The following PITPNM3 variants were observed in gnomAD, a reference collection of about 807,000 sequenced individuals.
PITPNM3 encodes PITPNM family member 3.
Under a neutral mutation model 102.0 loss-of-function variants are expected in PITPNM3, and 26 were observed. The ratio of observed to expected loss-of-function variants is 0.25; its 90% CI spans 0.19 to 0.35. PITPNM3 has a LOEUF of 0.35. Among genes scored for constraint, PITPNM3 ranks in the 10% least tolerant of loss-of-function variants. The pLI is 1.00. For missense variants in PITPNM3, 1,083 were observed against 1,346.1 expected (o/e 0.80, Z 3.06); for synonymous variants, 578 against 558.6 (o/e 1.03, Z -0.49).
In PITPNM3 at chr17:6,451,874, C is replaced by CG; in HGVS notation, c.*3463_*3464insC. The CG allele has an allele frequency of 5.9e-5, 1 of 17,060 alleles. No individual in the cohort carries two copies. The highest frequency in any genetic ancestry group is 2.4e-3 in the South Asian group (1 of 410). The allele number at this position is 17,060 out of a possible 1,614,324, so 1.1% of individuals were successfully genotyped here. On this transcript the variant is annotated 3_prime_UTR_variant, in exon 20 of 20. Transcript: ENST00000262483. Reference sequence around the variant, plus strand: ...GTTTCCAGGGCACTTGGCACCCAAACCCCCCCCCCCCGCCCGCCGATGGGA... The same window carrying CG: ...GTTTCCAGGGCACTTGGCACCCAAACGCCCCCCCCCCCGCCCGCCGATGGGA...
At position 6,470,587 on chromosome 17, in the gene PITPNM3, C is replaced by G. The variant is rs759895710; in HGVS notation, c.1625-179G>C. On this transcript the variant is annotated intron_variant, in intron 12 of 19. Coordinates refer to ENST00000262483, the MANE Select transcript of PITPNM3 (RefSeq NM_031220.4). This position sits in a 1 kb window ranked among gnomAD's most constrained non-coding sequence, Gnocchi z 4.8. The stretch of plus-strand genomic sequence containing the variant: ...CGCGCTGCTCTTCCTCCTTCCTTCT[C>G]AAAACCCACCAGCCCTCCCCTAAGA... Among the ~76,000 whole-genome samples the G allele has an allele frequency of 2.6e-5, 4 of 152,142 alleles. No homozygotes were observed. Among genetic ancestry groups the G allele is most frequent in the Admixed American group, 6.5e-5 (1 of 15,282 alleles).
intron 4 of PITPNM3, among the ~76,000 whole-genome samples, chr17:6,485,694 G>A (rs929399223): frequency 6.6e-6 from 1 of 152,190 alleles, no homozygotes; most frequent in Non-Finnish European, 1.5e-5. Context: ...GCTGGCCTTT[G>A]CCAGAAATCT....
chr17:6,495,447 C>T (rs970984532), intron 4 of PITPNM3, among the ~76,000 whole-genome samples: 3 of 152,268 alleles, frequency 2.0e-5, no homozygotes, highest in South Asian at 2.1e-4. Context: ...GATCCTCACA[C>T]CCTGGCCCTG....
chr17:6,540,699 C>A (rs1033278248), intron 1 of PITPNM3, among the ~76,000 whole-genome samples: 28 of 152,286 alleles, frequency 1.8e-4, no homozygotes, highest in African/African-American at 6.7e-4. Context: ...GCTCTTGTCG[C>A]CCAGGCTGGA....
At chr17:6,533,276 T>A (rs964703830) in intron 2 of PITPNM3, among the ~76,000 whole-genome samples, 1 of 152,146 alleles carries the variant, frequency 6.6e-6, no homozygotes, top group African/African-American at 2.4e-5. Flanking sequence ...GTAAGTTATT[T>A]TAATCAGCCA....
At chr17:6,509,696 C>T (rs1229892491) in intron 3 of PITPNM3, among the ~76,000 whole-genome samples, 3 of 152,172 alleles carry the variant, frequency 2.0e-5, no homozygotes, top group Admixed American at 6.5e-5. Context: ...CATGGAGCCT[C>T]CCCTGAGCTG....
At chr17:6,544,654 T>TCTCTCTCTCTCTCACACA (rs376230474) in intron 1 of PITPNM3, among the ~76,000 whole-genome samples, 127 of 130,264 alleles carry the variant, frequency 9.7e-4, no homozygotes, top group African/African-American at 3.9e-3. Flanking sequence ...TCTCTCTCTC[T>TCTCTCTCTCTCTCACACA]CACACACACA....
chr17:6,508,282 C>T (rs1337113081), intron 3 of PITPNM3, among the ~76,000 whole-genome samples: 1 of 152,248 alleles, frequency 6.6e-6, no homozygotes, highest in Non-Finnish European at 1.5e-5. Flanking sequence ...GCCTTGAAGG[C>T]TGCACCTGGG....
In PITPNM3 at chr17:6,470,536, C is replaced by T. The variant is rs1449963135; in HGVS notation, c.1625-128G>A. 2.3e-6 allele frequency: 3 copies of T among 1,286,304 alleles called. No individual in the cohort carries two copies. The highest frequency in any genetic ancestry group is 3.3e-6 in the Non-Finnish European group (3 of 902,096). The allele number at this position is 1,286,304 out of a possible 1,614,324, so 79.7% of individuals were successfully genotyped here. A position where few individuals can be genotyped will look rare whatever the true frequency, so the allele number is the denominator to read the frequency against. On this transcript the variant is annotated intron_variant, in intron 12 of 19. Coordinates refer to ENST00000262483, the MANE Select transcript of PITPNM3 (RefSeq NM_031220.4). The surrounding 1 kb of genome is among the most constrained non-coding windows in gnomAD (Gnocchi z 4.8). ...TGGGGCACGGGTTTGGGCGGGAGCA[C>T]CCTGGCCTGGAGGAGGCCTGGGGAA...
chr17:6,491,786 A>C (rs2150592449), intron 4 of PITPNM3, among the ~76,000 whole-genome samples: 1 of 146,562 alleles, frequency 6.8e-6, no homozygotes, highest in South Asian at 2.2e-4. Context: ...AAATGTTTAC[A>C]GTGGTTTTCT....
intron 10 of PITPNM3, among the ~76,000 whole-genome samples, chr17:6,473,662 G>A (rs933037392): frequency 9.2e-5 from 14 of 152,136 alleles, no homozygotes; most frequent in African/African-American, 3.4e-4. Flanking sequence ...CATTTTAGAG[G>A]AGCAGGAAAA....
At chr17:6,536,008 G>A (rs1429786115) in intron 2 of PITPNM3, among the ~76,000 whole-genome samples, 2 of 150,754 alleles carry the variant, frequency 1.3e-5, no homozygotes, top group South Asian at 4.2e-4. Flanking sequence ...AGGTTGTAGT[G>A]AGCCAAGATC....
chr17:6,495,087 T>C (rs1401572407), intron 4 of PITPNM3, among the ~76,000 whole-genome samples: 1 of 152,074 alleles, frequency 6.6e-6, no homozygotes, highest in Non-Finnish European at 1.5e-5. Flanking sequence ...TAAATGCATA[T>C]TTATGGATAG....
rs1914030773 is a variant in PITPNM3 at position 6,455,177 on chromosome 17, G to A, written c.*161C>T. The A allele has an allele frequency of 3.2e-6, 3 of 949,538 alleles. No homozygotes were observed. Among genetic ancestry groups the A allele is most frequent in the Non-Finnish European group, 4.4e-6 (3 of 674,322 alleles). The allele number at this position is 949,538 out of a possible 1,614,324, so 58.8% of individuals were successfully genotyped here. ...CGTCGCAGCTCAGGGAGCCCCCCGG[G>A]CTCGGGCAGGATCCCTCCCCGCTCT... On this transcript the variant is annotated 3_prime_UTR_variant, in exon 20 of 20. Transcript: ENST00000262483.
At chr17:6,540,293 G>C (rs376685675) in intron 1 of PITPNM3, among the ~76,000 whole-genome samples, 1 of 152,220 alleles carries the variant, frequency 6.6e-6, no homozygotes, top group Admixed American at 6.5e-5. Flanking sequence ...CATTCTGCAG[G>C]CGGGGAAGGA....
chr17:6,463,966 G>T, intron 16 of PITPNM3, 85 bp from the exon 17 acceptor site: 1 of 1,582,182 alleles, frequency 6.3e-7, no homozygotes. Flanking sequence ...GCTGCAGTCA[G>T]AGCTCAGTCT....
intron 4 of PITPNM3, among the ~76,000 whole-genome samples, chr17:6,500,482 G>A (rs1330880104): frequency 6.6e-6 from 1 of 152,108 alleles, no homozygotes; most frequent in Non-Finnish European, 1.5e-5. Context: ...CATAATTGTA[G>A]AATTATGTGA....
Position 6,477,142 on chromosome 17 carries a change from G to A in PITPNM3, c.972C>T (p.Asp324=), listed in dbSNP as rs778145265. 1.2e-6 allele frequency: 2 copies of A among 1,614,092 alleles called. No individual in the cohort carries two copies. Among genetic ancestry groups the A allele is most frequent in the Admixed American group, 3.3e-5 (2 of 60,010 alleles). The change falls in exon 9 of 20, where the codon GAC becomes GAT. Residue 324 remains aspartate (D), a synonymous_variant. Coordinates refer to ENST00000262483, the MANE Select transcript of PITPNM3 (RefSeq NM_031220.4). ...CCTCATCCTCCAACCCACTGGAGAT[G>A]TCAATGTTGCTTTTGCTGAGACGCT... is the stretch of plus-strand genomic sequence containing the variant. ...SSKRLSKSNI[D]ISSGLEDEEP... is the part of the protein sequence containing the mutation.
At position 6,465,045 on chromosome 17, in the gene PITPNM3, GTTTTGTT is replaced by G. The variant is rs561115183; in HGVS notation, c.1891-281_1891-275del. ...TTTTTGTTTGATTGATTGTTTGTTT[GTTTTGTT>G]TTTTGTTTTTTGTTTTTGAGAAGGA... On this transcript the variant is annotated intron_variant, in intron 14 of 19. Coordinates refer to ENST00000262483, the MANE Select transcript of PITPNM3 (RefSeq NM_031220.4). Among the ~76,000 whole-genome samples the G allele has an allele frequency of 5.1e-4, 77 of 152,210 alleles. 2 individuals carry two copies. The East Asian group carries it at 0.011, about 22-fold the overall frequency.
Sources: gnomAD v4.1 joint callset for allele counts (sites outside exome capture counted in the v4.1 genomes callset) on GRCh38, gnomAD v4.1.1 for gene constraint, Gnocchi (gnomAD v3.1) non-coding constraint, MANE v1.5 for transcripts, NCBI Gene and HGNC (gene_info 2026-07-23, HGNC 2026-07-21) for gene names.